DIAPH2: variants seen among roughly 807,000 people sequenced by gnomAD.
DIAPH2 encodes the protein diaphanous related formin 2, also known as protein diaphanous homolog 2.
Under a neutral mutation model 92.7 loss-of-function variants are expected in DIAPH2, and 35 were observed. The ratio of observed to expected loss-of-function variants is 0.38; its 90% CI spans 0.29 to 0.50. DIAPH2 has a LOEUF of 0.50. Among genes scored for constraint, DIAPH2 ranks in the 20% least tolerant of loss-of-function variants. The probability of loss-of-function intolerance (pLI) is 0.94; values close to 1 mark genes in which losing one functional copy is unlikely to be tolerated. For synonymous variants in DIAPH2, 301 were observed against 280.4 expected (o/e 1.07, Z -0.73); for missense variants, 701 against 819.5 (o/e 0.86, Z 1.77).
intron 17 of DIAPH2, among the ~76,000 whole-genome samples, chrX:97,049,451 A>G (rs1001383588): frequency 1.8e-5 from 2 of 111,180 alleles, no homozygotes; most frequent in Non-Finnish European, 3.8e-5. Context: ...CAGTAGCTTC[A>G]ATCATCTGCT....
At chrX:97,574,128 G>A (rs898097066) in intron 26 of DIAPH2, among the ~76,000 whole-genome samples, 1 of 111,710 alleles carries the variant, frequency 9.0e-6, no homozygotes, top group Non-Finnish European at 1.9e-5. Context: ...AAAAATTAAA[G>A]GTCTAAAGAG....
At chrX:96,815,598 T>C (rs1004994710) in intron 4 of DIAPH2, among the ~76,000 whole-genome samples, 5 of 111,973 alleles carry the variant, frequency 4.5e-5, no homozygotes, top group African/African-American at 1.6e-4. Flanking sequence ...GAAATCACTG[T>C]CCTCTGTGTC....
intron 23 of DIAPH2, among the ~76,000 whole-genome samples, chrX:97,300,524 C>G (rs1047790761): frequency 2.8e-5 from 3 of 108,687 alleles, no homozygotes; most frequent in Non-Finnish European, 5.7e-5. Flanking sequence ...TTCAGTGACG[C>G]TTTCCAACTT....
intron 17 of DIAPH2, among the ~76,000 whole-genome samples, chrX:97,066,231 A>G (rs2147907027): frequency 8.9e-6 from 1 of 112,117 alleles, no homozygotes; most frequent in East Asian, 2.8e-4. Flanking sequence ...AGCTACCTTC[A>G]TGCTAAGTGC....
chrX:97,549,439 C>G (rs1180950284), intron 26 of DIAPH2, among the ~76,000 whole-genome samples: 1 of 111,738 alleles, frequency 8.9e-6, no homozygotes, highest in Non-Finnish European at 1.9e-5. Context: ...TAATGTTTTA[C>G]TGCATTTCCT....
chrX:97,272,439 A>G (rs749624060), intron 23 of DIAPH2, among the ~76,000 whole-genome samples: 38 of 112,230 alleles, frequency 3.4e-4, no homozygotes, highest in Non-Finnish European at 6.4e-4. Flanking sequence ...AGAAAAGAAA[A>G]GAAAACTTTA....
At chrX:97,003,388 T>C (rs758835505) in intron 17 of DIAPH2, among the ~76,000 whole-genome samples, 109 of 111,912 alleles carry the variant, frequency 9.7e-4, no homozygotes, top group African/African-American at 3.4e-3. Context: ...CTGTTCTCCA[T>C]AGAGGTTGTA....
chrX:97,022,644 T>G (rs180691667), intron 17 of DIAPH2, among the ~76,000 whole-genome samples: 9 of 112,240 alleles, frequency 8.0e-5, no homozygotes, highest in African/African-American at 2.6e-4. Flanking sequence ...AAAAAAAAAT[T>G]GTATACATCA....
At chrX:97,549,439 C>T (rs1180950284) in intron 26 of DIAPH2, among the ~76,000 whole-genome samples, 3 of 111,738 alleles carry the variant, frequency 2.7e-5, no homozygotes, top group Non-Finnish European at 5.6e-5. Context: ...TAATGTTTTA[C>T]TGCATTTCCT....
intron 23 of DIAPH2, among the ~76,000 whole-genome samples, chrX:97,293,282 A>C (rs1221097508): frequency 1.3e-5 from 1 of 78,311 alleles, no homozygotes; most frequent in African/African-American, 5.4e-5. Context: ...GACGGAGTCT[A>C]GCTCTGTCGC....
chrX:96,847,336 T>A (rs1232173391), intron 4 of DIAPH2, among the ~76,000 whole-genome samples: 4 of 111,914 alleles, frequency 3.6e-5, no homozygotes, highest in Non-Finnish European at 7.5e-5. Flanking sequence ...CTGAGTTGAA[T>A]GTTAAGGCAG....
At chrX:96,769,781 G>T (rs1418882611) in intron 4 of DIAPH2, among the ~76,000 whole-genome samples, 1 of 112,283 alleles carries the variant, frequency 8.9e-6, no homozygotes, top group African/African-American at 3.2e-5. Context: ...TGGGAATCAT[G>T]AGCACTAACT....
At chrX:96,820,589 A>C (rs1273819132) in intron 4 of DIAPH2, among the ~76,000 whole-genome samples, 2 of 112,906 alleles carry the variant, frequency 1.8e-5, no homozygotes, top group African/African-American at 6.4e-5. Flanking sequence ...AGTAATCAGG[A>C]ATATTTATAG....
At chrX:97,218,246 C>T (rs1478914626) in intron 22 of DIAPH2, among the ~76,000 whole-genome samples, 1 of 110,108 alleles carries the variant, frequency 9.1e-6, no homozygotes, top group Non-Finnish European at 1.9e-5. Context: ...CCTGCCACCA[C>T]ACACAGCTAA....
intron 23 of DIAPH2, among the ~76,000 whole-genome samples, chrX:97,269,746 TTTTTA>T (rs1374487435): frequency 1.6e-4 from 16 of 100,763 alleles, no homozygotes; most frequent in African/African-American, 6.1e-4. Flanking sequence ...GGAGATACTA[TTTTTA>T]TTTTTTTTTT....
chrX:97,468,708 T>A (rs1466184073), intron 26 of DIAPH2, among the ~76,000 whole-genome samples: 1 of 110,628 alleles, frequency 9.0e-6, no homozygotes, highest in African/African-American at 3.3e-5. Flanking sequence ...CACCGTTTAT[T>A]AGGTTTTGTG....
chrX:96,714,806 G>T (rs1451225403), intron 1 of DIAPH2, among the ~76,000 whole-genome samples: 1 of 111,865 alleles, frequency 8.9e-6, no homozygotes, highest in Non-Finnish European at 1.9e-5. Context: ...GATTTGGCAA[G>T]TTTATTTTGC....
chrX:97,336,588 T>C (rs147959103), intron 23 of DIAPH2, among the ~76,000 whole-genome samples: 3,742 of 111,244 alleles, frequency 0.034, 64 homozygotes, highest in Admixed American at 0.046. Context: ...AAAAATGTTT[T>C]GTATTTGTTT....
At position 96,836,100 on chromosome X, in the gene DIAPH2, ATT is replaced by A. The variant is rs67599631; in HGVS notation, c.448-45468_448-45467del. Among the ~76,000 whole-genome samples the A allele has an allele frequency of 1.4e-3, 144 of 104,326 alleles. 1 individual carries two copies. The highest frequency in any genetic ancestry group is 4.3e-3 in the African/African-American group (124 of 28,712). 90.6% of individuals were successfully genotyped at this position (104,326 alleles called of 115,157 possible). A position where few individuals can be genotyped will look rare whatever the true frequency, so the allele number is the denominator to read the frequency against. ...GTCACTGTGCCTAGCCAAGCATGGA[ATT>A]TTTTTTTTTTCATAATTTACATAGG... On this transcript the variant is annotated intron_variant, in intron 4 of 26. Transcript: ENST00000324765.
Sources: gnomAD v4.1 joint callset for allele counts (sites outside exome capture counted in the v4.1 genomes callset) on GRCh38, gnomAD v4.1.1 for gene constraint, MANE v1.5 for transcripts, NCBI Gene and HGNC (gene_info 2026-07-23, HGNC 2026-07-21) for gene names.